SLC24A2: variants seen among roughly 807,000 people sequenced by gnomAD.
The protein encoded by SLC24A2 is solute carrier family 24 member 2.
A neutral mutation model predicts 62.0 loss-of-function variants in SLC24A2; 36 were observed. That is an observed-to-expected ratio of 0.58 (90% CI 0.44 to 0.77). The LOEUF is 0.77. SLC24A2 is among the 30% of genes least tolerant of loss of function. The pLI is 0.00. For missense variants in SLC24A2, 846 were observed against 817.9 expected, an observed-to-expected ratio of 1.03 and a Z score of -0.42; for synonymous variants, 358 against 294.0, an observed-to-expected ratio of 1.22 and a Z score of -2.23.
At chr9:20,242,712 A>G in the SLC24A2 span, among the ~76,000 whole-genome samples, 9 of 152,256 alleles carry the variant, frequency 5.9e-5, no homozygotes, top group Non-Finnish European at 1.0e-4. Flanking sequence ...CGGTTAAAAC[A>G]TCCTAATGCT....
At chr9:19,990,852 A>G in the SLC24A2 span, among the ~76,000 whole-genome samples, 1 of 33,848 alleles carries the variant, frequency 3.0e-5, no homozygotes, top group African/African-American at 1.2e-4. Flanking sequence ...CTTGGTTATC[A>G]AAAAAAAAAA....
chr9:20,229,964 A>G, the SLC24A2 span, among the ~76,000 whole-genome samples: 1 of 141,978 alleles, frequency 7.0e-6, no homozygotes, highest in African/African-American at 2.7e-5. Context: ...ATTCGCACCT[A>G]TGAGTGAGAA....
the SLC24A2 span, among the ~76,000 whole-genome samples, chr9:19,959,352 A>G: frequency 6.6e-6 from 1 of 152,220 alleles, no homozygotes; most frequent in African/African-American, 2.4e-5. Flanking sequence ...TGGCTTTAAA[A>G]AATGAGGCTA....
At chr9:19,939,263 A>G in the SLC24A2 span, among the ~76,000 whole-genome samples, 2 of 152,228 alleles carry the variant, frequency 1.3e-5, no homozygotes, top group Non-Finnish European at 2.9e-5. Context: ...TGATTTCATC[A>G]TTGTGTGAAC....
At chr9:19,655,312 C>G (rs907541112) in intron 2 of SLC24A2, among the ~76,000 whole-genome samples, 1 of 152,164 alleles carries the variant, frequency 6.6e-6, no homozygotes, top group African/African-American at 2.4e-5. Context: ...TAGCCTTGGA[C>G]AGAAAACTAG....
At chr9:20,103,028 G>T in the SLC24A2 span, among the ~76,000 whole-genome samples, 1 of 152,280 alleles carries the variant, frequency 6.6e-6, no homozygotes, top group South Asian at 2.1e-4. Flanking sequence ...TTAAAAAACG[G>T]TGCACCAGGA....
the SLC24A2 span, among the ~76,000 whole-genome samples, chr9:20,199,323 A>G: frequency 6.6e-6 from 1 of 152,152 alleles, no homozygotes; most frequent in Non-Finnish European, 1.5e-5. Flanking sequence ...ACTGTTGAGC[A>G]CCTATGTGCT....
At chr9:19,898,741 C>CA in the SLC24A2 span, among the ~76,000 whole-genome samples, 1,251 of 97,086 alleles carry the variant, frequency 0.013, 23 homozygotes, top group African/African-American at 0.046. Context: ...GACTCCATCT[C>CA]AAAAAAAAAA....
Position 19,786,718 on chromosome 9 carries a change from C to T in SLC24A2, c.149G>A (p.Ser50Asn), listed in dbSNP as rs1823186068. ...GGCACTGATTGAAAATGAGACAGTG[C>T]TAATGGCTACCAGACCCATGAAAAG... ...LGLFMGLVAI[S>N]TVSFSISAFS... The change falls in exon 2 of 11, where the codon AGC (serine) becomes AAC (asparagine). Residue 50 changes from serine (S) to asparagine (N), a missense_variant. Coordinates refer to ENST00000341998, the MANE Select transcript of SLC24A2 (RefSeq NM_020344.4). The surrounding 1 kb of genome is among the most constrained non-coding windows in gnomAD (Gnocchi z 5.0). 5.6e-6 allele frequency: 9 copies of T among 1,609,332 alleles called. No homozygotes were observed. Among genetic ancestry groups the T allele is most frequent in the South Asian group, 1.1e-5 (1 of 90,456 alleles).
At chr9:19,962,439 T>C in the SLC24A2 span, among the ~76,000 whole-genome samples, 1 of 152,232 alleles carries the variant, frequency 6.6e-6, no homozygotes, top group African/African-American at 2.4e-5. Context: ...ATTGAATCTA[T>C]AAATTACCTT....
the SLC24A2 span, among the ~76,000 whole-genome samples, chr9:20,171,417 G>T: frequency 6.6e-6 from 1 of 151,952 alleles, no homozygotes; most frequent in South Asian, 2.1e-4. Context: ...AAAAGGTACA[G>T]AATTGCAGAA....
the SLC24A2 span, among the ~76,000 whole-genome samples, chr9:20,131,962 A>ACT: frequency 6.6e-6 from 1 of 152,110 alleles, no homozygotes; most frequent in Admixed American, 6.6e-5. Flanking sequence ...TATGTAATTA[A>ACT]GTGTAATTGT....
the SLC24A2 span, among the ~76,000 whole-genome samples, chr9:20,207,524 T>C: frequency 6.6e-6 from 1 of 152,202 alleles, no homozygotes; most frequent in African/African-American, 2.4e-5. Flanking sequence ...TAATACTCTA[T>C]CCATATCTTT....
chr9:20,027,279 T>C, the SLC24A2 span, among the ~76,000 whole-genome samples: 1 of 152,024 alleles, frequency 6.6e-6, no homozygotes, highest in Non-Finnish European at 1.5e-5. Context: ...TACCATATGA[T>C]CCAGCAATCC....
At chr9:19,883,000 G>A in the SLC24A2 span, among the ~76,000 whole-genome samples, 10 of 152,058 alleles carry the variant, frequency 6.6e-5, no homozygotes, top group African/African-American at 1.9e-4. Context: ...TCCCAAATAC[G>A]GCATAATTTT....
chr9:19,689,188 TA>T (rs1412095317), intron 2 of SLC24A2, among the ~76,000 whole-genome samples: 1 of 152,146 alleles, frequency 6.6e-6, no homozygotes, highest in African/African-American at 2.4e-5. Flanking sequence ...GCCTAAGTTG[TA>T]AATGGTACAG....
chr9:19,993,797 T>C, the SLC24A2 span, among the ~76,000 whole-genome samples: 5 of 152,138 alleles, frequency 3.3e-5, no homozygotes, highest in African/African-American at 1.2e-4. Context: ...AATATTACCA[T>C]TAAATCTCCC....
chr9:20,256,538 C>A, the SLC24A2 span, among the ~76,000 whole-genome samples: 2 of 152,170 alleles, frequency 1.3e-5, no homozygotes, highest in Non-Finnish European at 2.9e-5. Flanking sequence ...TGTTGTGTTT[C>A]CTGCCCTACT....
the SLC24A2 span, among the ~76,000 whole-genome samples, chr9:20,076,709 G>T: frequency 2.0e-5 from 3 of 151,900 alleles, no homozygotes; most frequent in Non-Finnish European, 4.4e-5. Context: ...TGGGCTGGGG[G>T]ATAGGGAGAC....
Sources: gnomAD v4.1 joint callset for allele counts (sites outside exome capture counted in the v4.1 genomes callset) on GRCh38, gnomAD v4.1.1 for gene constraint, Gnocchi (gnomAD v3.1) non-coding constraint, MANE v1.5 for transcripts, NCBI Gene and HGNC (gene_info 2026-07-23, HGNC 2026-07-21) for gene names.